Variants in CDYL2 observed in about 807,000 individuals in gnomAD.
CDYL2 encodes the protein chromodomain Y-like protein 2.
A neutral mutation model predicts 49.4 loss-of-function variants in CDYL2; 23 were observed. The observed-to-expected ratio is 0.47, with a 90% CI of 0.34 to 0.66. The LOEUF is 0.66. Among genes scored for constraint, CDYL2 ranks in the 30% least tolerant of loss-of-function variants. The pLI is 0.01. For synonymous variants in CDYL2, 360 were observed against 268.8 expected (o/e 1.34, Z -3.32); for missense variants, 678 against 656.4 (o/e 1.03, Z -0.36).
chr16:80,790,679 A>C (rs1267442466), intron 1 of CDYL2, among the ~76,000 whole-genome samples: 7 of 152,196 alleles, frequency 4.6e-5, no homozygotes, highest in Non-Finnish European at 7.3e-5. Context: ...TCTGACTTCC[A>C]ACAGTTCACA....
At chr16:80,680,358 C>T (rs1909921140) in intron 2 of CDYL2, among the ~76,000 whole-genome samples, 1 of 152,192 alleles carries the variant, frequency 6.6e-6, no homozygotes, top group Non-Finnish European at 1.5e-5. Context: ...AGACTGGCAT[C>T]AACAGTGATG....
intron 2 of CDYL2, among the ~76,000 whole-genome samples, chr16:80,654,561 T>C (rs575325042): frequency 6.6e-6 from 1 of 152,260 alleles, no homozygotes; most frequent in African/African-American, 2.4e-5. Context: ...CCTACAGGAA[T>C]TGCCCCTCTG....
chr16:80,663,957 G>T (rs917223119), intron 2 of CDYL2, among the ~76,000 whole-genome samples: 1 of 152,132 alleles, frequency 6.6e-6, no homozygotes, highest in African/African-American at 2.4e-5. Context: ...CTGATTAAAA[G>T]GAACTTTTTC....
intron 1 of CDYL2, among the ~76,000 whole-genome samples, chr16:80,792,747 C>T (rs377704293): frequency 4.6e-5 from 7 of 152,092 alleles, no homozygotes; most frequent in South Asian, 2.1e-4. Context: ...TCGATGTGCC[C>T]ATCCCCACAG....
chr16:80,644,476 T>G (rs963513255), intron 2 of CDYL2, among the ~76,000 whole-genome samples: 1 of 152,190 alleles, frequency 6.6e-6, no homozygotes, highest in African/African-American at 2.4e-5. Flanking sequence ...TTGTACCAAT[T>G]TCATGCTGCT....
chr16:80,661,478 C>T (rs150828362), intron 2 of CDYL2, among the ~76,000 whole-genome samples: 288 of 152,254 alleles, frequency 1.9e-3, no homozygotes, highest in African/African-American at 6.7e-3. Context: ...ATCCTCATCA[C>T]GACCCTGTAG....
intron 3 of CDYL2, among the ~76,000 whole-genome samples, chr16:80,622,717 A>C (rs1052557602): frequency 6.6e-6 from 1 of 152,120 alleles, no homozygotes; most frequent in African/African-American, 2.4e-5. Flanking sequence ...AAGCTTTTAC[A>C]AGGCCAACTC....
chr16:80,699,212 T>C (rs1041530599), intron 1 of CDYL2, among the ~76,000 whole-genome samples: 1 of 152,206 alleles, frequency 6.6e-6, no homozygotes, highest in Non-Finnish European at 1.5e-5. Context: ...TACTCTCATG[T>C]TTACTGCAGC....
chr16:80,719,788 T>A (rs554403266), intron 1 of CDYL2, among the ~76,000 whole-genome samples: 16 of 152,190 alleles, frequency 1.1e-4, no homozygotes, highest in Non-Finnish European at 2.2e-4. Flanking sequence ...AGGAAGTGCC[T>A]TGTTCACAGC....
chr16:80,790,082 A>C (rs927533084), intron 1 of CDYL2, among the ~76,000 whole-genome samples: 2 of 152,276 alleles, frequency 1.3e-5, no homozygotes, highest in African/African-American at 4.8e-5. Flanking sequence ...CGCTATTATA[A>C]CTGTTTTTTA....
chr16:80,642,681 T>A (rs1908153893), intron 2 of CDYL2, among the ~76,000 whole-genome samples: 1 of 152,124 alleles, frequency 6.6e-6, no homozygotes, highest in Non-Finnish European at 1.5e-5. Context: ...AGGCACTTCT[T>A]ACATAGCAGT....
At chr16:80,670,113 C>T (rs10871393) in intron 2 of CDYL2, among the ~76,000 whole-genome samples, 71,818 of 151,698 alleles carry the variant, frequency 0.47, 20,131 homozygotes, top group Middle Eastern at 0.7. Flanking sequence ...GCTTTAAGTC[C>T]TCTCATTTCC....
intron 1 of CDYL2, among the ~76,000 whole-genome samples, chr16:80,726,136 T>C (rs1006184268): frequency 6.6e-6 from 1 of 152,244 alleles, no homozygotes; most frequent in Non-Finnish European, 1.5e-5. Flanking sequence ...GTTCAAACGG[T>C]TGAGGCAGGA....
intron 1 of CDYL2, among the ~76,000 whole-genome samples, chr16:80,730,747 T>C (rs1250995377): frequency 6.6e-6 from 1 of 152,186 alleles, no homozygotes; most frequent in Non-Finnish European, 1.5e-5. Flanking sequence ...TAGGGGTGTA[T>C]CTAAGCAATG....
At position 80,603,490 on chromosome 16, in the gene CDYL2, C is replaced by T. The variant is rs555173145; in HGVS notation, c.*898G>A. 4 of 152,310 alleles carry T rather than the reference C, an allele frequency of 2.6e-5. No individual in the cohort carries two copies. Among genetic ancestry groups the T allele is most frequent in the East Asian group, 1.9e-4 (1 of 5,178 alleles). 9.4% of individuals were successfully genotyped at this position (152,310 alleles called of 1,614,324 possible). On this transcript the variant is annotated 3_prime_UTR_variant, in exon 7 of 7. Transcript: ENST00000570137. ...AGAACCGTTTTACACAGAGGTGCAG[C>T]GCTATTCCTTTTGTCCACAGAAATC...
At chr16:80,732,499 C>A (rs1905364340) in intron 1 of CDYL2, among the ~76,000 whole-genome samples, 1 of 152,108 alleles carries the variant, frequency 6.6e-6, no homozygotes, top group African/African-American at 2.4e-5. Flanking sequence ...TGAATATGCA[C>A]AGAATATCTT....
intron 1 of CDYL2, among the ~76,000 whole-genome samples, chr16:80,724,084 G>T (rs1024634648): frequency 6.7e-6 from 1 of 150,166 alleles, no homozygotes; most frequent in East Asian, 2.0e-4. Context: ...AGGAGGAAAA[G>T]AGGAGAGGAA....
At chr16:80,735,883 T>C (rs556853320) in intron 1 of CDYL2, among the ~76,000 whole-genome samples, 1 of 152,288 alleles carries the variant, frequency 6.6e-6, no homozygotes, top group Non-Finnish European at 1.5e-5. Flanking sequence ...ACACAGCCTG[T>C]CCACATCCAA....
At chr16:80,629,829 C>G (rs542922129) in intron 3 of CDYL2, among the ~76,000 whole-genome samples, 1 of 152,356 alleles carries the variant, frequency 6.6e-6, no homozygotes, top group South Asian at 2.1e-4. Context: ...AAGGCAATGT[C>G]TGCTGGTGGA....
Sources: gnomAD v4.1 joint callset for allele counts (sites outside exome capture counted in the v4.1 genomes callset) on GRCh38, gnomAD v4.1.1 for gene constraint, MANE v1.5 for transcripts, NCBI Gene and HGNC (gene_info 2026-07-23, HGNC 2026-07-21) for gene names.